GLI2: variants seen among roughly 807,000 people sequenced by gnomAD.
GLI2 encodes GLI family zinc finger 2.
In GLI2, 22 loss-of-function variants were observed where a neutral mutation model predicts 78.9. The ratio of observed to expected loss-of-function variants is 0.28; its 90% CI spans 0.20 to 0.40. The LOEUF (loss-of-function observed/expected upper bound fraction) is 0.40. Ranked by LOEUF, GLI2 falls within the 10% of genes least tolerant of loss-of-function variation. The probability of loss-of-function intolerance (pLI) is 1.00; values close to 1 mark genes in which losing one functional copy is unlikely to be tolerated. For missense variants in GLI2, 2,097 were observed against 2,213.2 expected (o/e 0.95, Z 1.05); for synonymous variants, 974 against 963.7 (o/e 1.01, Z -0.20).
chr2:120,939,238 C>T (rs1213735040), intron 3 of GLI2, among the ~76,000 whole-genome samples: 2 of 151,764 alleles, frequency 1.3e-5, no homozygotes, highest in East Asian at 3.9e-4. Context: ...GCTGAGATGG[C>T]GCCATTGCAC....
chr2:120,913,493 C>T (rs1678936548), intron 2 of GLI2, among the ~76,000 whole-genome samples: 2 of 152,052 alleles, frequency 1.3e-5, no homozygotes, highest in Admixed American at 6.6e-5. Flanking sequence ...AGAAAATTTA[C>T]AATAACATAT....
intron 2 of GLI2, among the ~76,000 whole-genome samples, chr2:120,824,878 C>T (rs1279310737): frequency 6.6e-6 from 1 of 152,136 alleles, no homozygotes; most frequent in Non-Finnish European, 1.5e-5. Flanking sequence ...CTCAGTTGCT[C>T]AGGCTGGAGT....
chr2:120,940,684 G>T (rs1189204907), intron 3 of GLI2, among the ~76,000 whole-genome samples: 4 of 152,220 alleles, frequency 2.6e-5, no homozygotes, highest in Non-Finnish European at 5.9e-5. Context: ...GGGATTGAGG[G>T]CCTGTGATTT....
intron 3 of GLI2, among the ~76,000 whole-genome samples, chr2:120,936,770 G>T (rs1259214726): frequency 2.6e-5 from 4 of 152,198 alleles, no homozygotes; most frequent in Non-Finnish European, 5.9e-5. Context: ...GGTGGAAGCT[G>T]ACGCCACTGC....
intron 2 of GLI2, among the ~76,000 whole-genome samples, chr2:120,818,228 G>A (rs1685595362): frequency 6.6e-6 from 1 of 152,196 alleles, no homozygotes; most frequent in Non-Finnish European, 1.5e-5. Context: ...AAGCCTGCAG[G>A]GCAGGGGTGT....
chr2:120,834,922 C>T lies in GLI2; in HGVS notation c.148+37454C>T, dbSNP rs1440380246. On this transcript the variant is annotated intron_variant, in intron 2 of 13. Coordinates refer to ENST00000361492, the MANE Select transcript of GLI2 (RefSeq NM_001374353.1). ...TTTCAGGGGCTCTGCACCCCATGTT[C>T]TCTGGGCTAAACCCACATGGGTCCT... 2.6e-5 allele frequency among the ~76,000 whole-genome samples: 4 copies of T among 152,084 alleles called. 1 individual carries two copies. The highest frequency in any genetic ancestry group is 9.7e-5 in the African/African-American group (4 of 41,448).
intron 2 of GLI2, among the ~76,000 whole-genome samples, chr2:120,875,027 A>C (rs1688665280): frequency 6.6e-6 from 1 of 152,220 alleles, no homozygotes; most frequent in Non-Finnish European, 1.5e-5. Flanking sequence ...CTAACCCATA[A>C]AACGGTGAGG....
intron 2 of GLI2, among the ~76,000 whole-genome samples, chr2:120,919,423 C>A (rs112960855): frequency 4.3e-4 from 66 of 152,356 alleles, no homozygotes; most frequent in Non-Finnish European, 6.0e-4. Context: ...AGAGCAGGCA[C>A]CCCAGGAGTG....
chr2:120,866,944 G>A (rs1022308403), intron 2 of GLI2, among the ~76,000 whole-genome samples: 5 of 152,160 alleles, frequency 3.3e-5, no homozygotes, highest in African/African-American at 1.2e-4. Flanking sequence ...TGCACTGCCC[G>A]CAGGGACTCC....
At chr2:120,810,638 G>A (rs1685192237) in intron 2 of GLI2, among the ~76,000 whole-genome samples, 1 of 152,222 alleles carries the variant, frequency 6.6e-6, no homozygotes, top group South Asian at 2.1e-4. Flanking sequence ...TGAGGATACA[G>A]GGAGACAGCA....
chr2:120,918,258 G>C (rs1006251115), intron 2 of GLI2, among the ~76,000 whole-genome samples: 2 of 152,170 alleles, frequency 1.3e-5, no homozygotes, highest in Admixed American at 1.3e-4. Flanking sequence ...GAAGGAGGGA[G>C]CATCGGTGGA....
At chr2:120,768,830 C>CGTGT (rs1558787047) in intron 1 of GLI2, among the ~76,000 whole-genome samples, 1 of 121,224 alleles carries the variant, frequency 8.2e-6, no homozygotes, top group Non-Finnish European at 1.8e-5. Context: ...TGTGTGTGTG[C>CGTGT]GTGTGTGTGC....
At chr2:120,911,484 G>C (rs956294252) in intron 2 of GLI2, among the ~76,000 whole-genome samples, 1 of 152,110 alleles carries the variant, frequency 6.6e-6, no homozygotes, top group African/African-American at 2.4e-5. Flanking sequence ...CTCCTACTGC[G>C]GCCCCGAGCA....
chr2:120,950,611 A>T (rs962593285), intron 3 of GLI2, among the ~76,000 whole-genome samples: 1 of 152,298 alleles, frequency 6.6e-6, no homozygotes, highest in South Asian at 2.1e-4. Context: ...TAGCGCTAGG[A>T]GGAATTCCAT....
intron 1 of GLI2, among the ~76,000 whole-genome samples, chr2:120,793,452 C>T (rs188547444): frequency 1.7e-3 from 253 of 152,328 alleles, no homozygotes; most frequent in Admixed American, 2.6e-3. Flanking sequence ...ATGAGACTAT[C>T]CGCTTTGGCT....
At chr2:120,837,287 G>A (rs774063374) in intron 2 of GLI2, among the ~76,000 whole-genome samples, 14 of 151,816 alleles carry the variant, frequency 9.2e-5, no homozygotes, top group Admixed American at 7.9e-4. Flanking sequence ...CCAGCTACTC[G>A]GGAGGCTGAG....
intron 2 of GLI2, among the ~76,000 whole-genome samples, chr2:120,923,298 GCAATGCATATGTACACATACAACACACA>G (rs2104853890): frequency 1.1e-4 from 1 of 9,484 alleles, no homozygotes; most frequent in South Asian, 5.3e-3. Context: ...CACATACACA[GCAATGCATATGTACACATACAACACACA>G]CATGCACATA....
At chr2:120,831,624 G>A (rs1686364526) in intron 2 of GLI2, among the ~76,000 whole-genome samples, 1 of 152,232 alleles carries the variant, frequency 6.6e-6, no homozygotes, top group Non-Finnish European at 1.5e-5. Context: ...TCTGGGGCCT[G>A]TGAAGGGAGC....
chr2:120,806,061 G>A (rs922019710), intron 2 of GLI2, among the ~76,000 whole-genome samples: 2 of 152,184 alleles, frequency 1.3e-5, no homozygotes, highest in Admixed American at 6.5e-5. Flanking sequence ...AGTATGCGCC[G>A]GAGGGAGAAT....
Sources: gnomAD v4.1 joint callset for allele counts (sites outside exome capture counted in the v4.1 genomes callset) on GRCh38, gnomAD v4.1.1 for gene constraint, MANE v1.5 for transcripts, NCBI Gene and HGNC (gene_info 2026-07-23, HGNC 2026-07-21) for gene names.